Variants in TOX observed in about 807,000 individuals in gnomAD.
TOX encodes the protein thymocyte selection associated high mobility group box, also known as thymocyte selection-associated high mobility group box protein TOX.
In TOX, 11 loss-of-function variants were observed where a neutral mutation model predicts 53.7. That is an observed-to-expected ratio of 0.20 (90% CI 0.13 to 0.34). The LOEUF is 0.34. TOX is among the 10% of genes least tolerant of loss of function. TOX has a pLI of 1.00. For missense variants in TOX, 570 were observed against 664.6 expected (o/e 0.86, Z 1.56); for synonymous variants, 225 against 245.3 (o/e 0.92, Z 0.77).
At chr8:58,973,204 G>A (rs12542449) in intron 1 of TOX, among the ~76,000 whole-genome samples, 109,312 of 152,090 alleles carry the variant, frequency 0.72, 40,055 homozygotes, top group South Asian at 0.83. Flanking sequence ...CTCTTTAGAT[G>A]CACGACAGGA....
intron 3 of TOX, among the ~76,000 whole-genome samples, chr8:58,914,971 C>T (rs1210575109): frequency 2.0e-5 from 3 of 151,904 alleles, no homozygotes; most frequent in African/African-American, 7.3e-5. Context: ...GTCACTCCCA[C>T]CCGAATATTG....
intron 1 of TOX, among the ~76,000 whole-genome samples, chr8:59,061,347 C>A (rs1005712450): frequency 6.6e-6 from 1 of 152,102 alleles, no homozygotes; most frequent in East Asian, 1.9e-4. Flanking sequence ...AGATAAAAGG[C>A]ATTTGATGAA....
intron 1 of TOX, among the ~76,000 whole-genome samples, chr8:59,055,857 C>T (rs941268376): frequency 2.6e-5 from 4 of 152,084 alleles, no homozygotes; most frequent in African/African-American, 9.7e-5. Flanking sequence ...ATCTACTTGC[C>T]AAGTCCTATT....
intron 2 of TOX, among the ~76,000 whole-genome samples, chr8:58,950,211 C>T (rs915498778): frequency 3.3e-5 from 5 of 150,438 alleles, no homozygotes; most frequent in Non-Finnish European, 7.4e-5. Flanking sequence ...TTCATATACA[C>T]GTGTAATATA....
At chr8:58,991,439 T>C (rs1237275339) in intron 1 of TOX, among the ~76,000 whole-genome samples, 1 of 152,160 alleles carries the variant, frequency 6.6e-6, no homozygotes, top group Non-Finnish European at 1.5e-5. Context: ...GCAGATTAAT[T>C]GAAAGGGAAA....
chr8:58,883,895 G>A (rs1811426592), intron 3 of TOX, among the ~76,000 whole-genome samples: 2 of 152,122 alleles, frequency 1.3e-5, no homozygotes, highest in South Asian at 2.1e-4. Flanking sequence ...TAAAGATTGT[G>A]TGAATCTTCA....
At chr8:59,110,383 G>A (rs1804992549) in intron 1 of TOX, among the ~76,000 whole-genome samples, 1 of 143,638 alleles carries the variant, frequency 7.0e-6, no homozygotes, top group Admixed American at 7.3e-5. Context: ...AAGCATCGGT[G>A]TTTTTCAATG....
chr8:58,909,855 A>C (rs922145854), intron 3 of TOX, among the ~76,000 whole-genome samples: 1 of 151,996 alleles, frequency 6.6e-6, no homozygotes, highest in Non-Finnish European at 1.5e-5. Context: ...ACAGGGTTTG[A>C]TCATGTTGGC....
chr8:58,965,824 G>A (rs1812885234), intron 1 of TOX, among the ~76,000 whole-genome samples: 1 of 148,186 alleles, frequency 6.7e-6, no homozygotes, highest in Admixed American at 6.8e-5. Context: ...CATTTTTAGA[G>A]AGGCTAATAT....
intron 1 of TOX, among the ~76,000 whole-genome samples, chr8:59,087,314 C>T (rs1352619306): frequency 6.6e-6 from 1 of 152,028 alleles, no homozygotes; most frequent in Non-Finnish European, 1.5e-5. Flanking sequence ...TTCAGCTTTG[C>T]CGAAGGTTAA....
chr8:59,056,379 C>T (rs1803888607), intron 1 of TOX, among the ~76,000 whole-genome samples: 1 of 122,282 alleles, frequency 8.2e-6, no homozygotes, highest in Non-Finnish European at 1.6e-5. Context: ...TTGCAGTGAG[C>T]TATGATCGTG....
chr8:59,020,012 G>T (rs549427820), intron 1 of TOX, among the ~76,000 whole-genome samples: 6 of 152,150 alleles, frequency 3.9e-5, no homozygotes, highest in Non-Finnish European at 8.8e-5. Context: ...TACTCAGCTT[G>T]TAAAATGAAT....
intron 3 of TOX, among the ~76,000 whole-genome samples, chr8:58,854,418 A>G (rs1024629458): frequency 1.3e-5 from 2 of 149,368 alleles, no homozygotes; most frequent in Admixed American, 6.6e-5. Context: ...ACTTTATCGC[A>G]CTTTCTCTCC....
intron 3 of TOX, among the ~76,000 whole-genome samples, chr8:58,931,192 G>C (rs1187347708): frequency 6.6e-6 from 1 of 152,114 alleles, no homozygotes; most frequent in Non-Finnish European, 1.5e-5. Context: ...AGCAATCAAT[G>C]ATGCTATTAA....
At chr8:58,946,358 G>A (rs552654899) in intron 2 of TOX, among the ~76,000 whole-genome samples, 2 of 152,260 alleles carry the variant, frequency 1.3e-5, no homozygotes, top group East Asian at 1.9e-4. Context: ...TTTAAATTGT[G>A]TCAATATAAT....
chr8:59,051,508 T>C (rs765682521), intron 1 of TOX, among the ~76,000 whole-genome samples: 1 of 152,158 alleles, frequency 6.6e-6, no homozygotes, highest in Non-Finnish European at 1.5e-5. Flanking sequence ...TACATCATTC[T>C]TTGCATTGAA....
intron 1 of TOX, among the ~76,000 whole-genome samples, chr8:58,998,403 C>A (rs1336026603): frequency 6.7e-6 from 1 of 148,576 alleles, no homozygotes; most frequent in Non-Finnish European, 1.5e-5. Flanking sequence ...ACAGGAAAAT[C>A]GCTTGCAACC....
intron 1 of TOX, among the ~76,000 whole-genome samples, chr8:59,037,261 A>G (rs940182697): frequency 6.9e-6 from 1 of 144,958 alleles, no homozygotes; most frequent in Non-Finnish European, 1.5e-5. Context: ...ATGTTGGTAT[A>G]TTTCCTTTTG....
intron 4 of TOX, among the ~76,000 whole-genome samples, chr8:58,842,691 C>T (rs1182776164): frequency 6.6e-6 from 1 of 152,180 alleles, no homozygotes; most frequent in Non-Finnish European, 1.5e-5. Context: ...TTGCATTTGA[C>T]AACAGGCCCT....
Sources: allele counts gnomAD v4.1 joint callset (sites outside exome capture counted in the v4.1 genomes callset), GRCh38; gene constraint gnomAD v4.1.1; transcripts MANE v1.5; gene names NCBI Gene and HGNC (gene_info 2026-07-23, HGNC 2026-07-21).